TSPAN5: variants seen among roughly 807,000 people sequenced by gnomAD.
The protein encoded by TSPAN5 is tetraspanin 5, also known as tetraspanin-5.
Under a neutral mutation model 37.1 loss-of-function variants are expected in TSPAN5, and 10 were observed. That is an observed-to-expected ratio of 0.27 (90% confidence interval 0.17 to 0.46). The LOEUF (loss-of-function observed/expected upper bound fraction) is 0.46, where lower values mean the gene tolerates loss of function less well. Among genes scored for constraint, TSPAN5 ranks in the 20% least tolerant of loss-of-function variants. TSPAN5 has a pLI of 1.00. For synonymous variants in TSPAN5, 110 were observed against 118.9 expected (o/e 0.93, Z 0.48); for missense variants, 195 against 326.6 (o/e 0.60, Z 3.11).
Position 98,472,337 on chromosome 4 carries a change from T to A in TSPAN5, c.*185A>T. The A allele has an allele frequency of 4.1e-6, 2 of 483,460 alleles. No homozygotes were observed. The highest frequency in any genetic ancestry group is 7.3e-6 in the Non-Finnish European group (2 of 275,584). The allele number at this position is 483,460 out of a possible 1,614,324, so 29.9% of individuals were successfully genotyped here. The stretch of plus-strand genomic sequence containing the variant: ...GCAACGACTTTCATACTGGTTATTT[T>A]TTTTTTTAATTCTGTCAGTGAGCAG... On this transcript the variant is annotated 3_prime_UTR_variant, in exon 8 of 8. Transcript: ENST00000305798.
intron 1 of TSPAN5, among the ~76,000 whole-genome samples, chr4:98,591,060 C>CTT (rs904871060): frequency 1.0e-4 from 15 of 148,214 alleles, no homozygotes; most frequent in Admixed American, 3.3e-4. Context: ...CATGCTTTTC[C>CTT]TTTTTTTTGT....
intron 7 of TSPAN5, among the ~76,000 whole-genome samples, chr4:98,473,659 C>T (rs1444721682): frequency 1.3e-5 from 2 of 152,144 alleles, no homozygotes; most frequent in Non-Finnish European, 2.9e-5. Flanking sequence ...CGGGGTTTCA[C>T]CTTGTTAGCC....
In TSPAN5 at chr4:98,598,127, T is replaced by A. The variant is rs1755791275; in HGVS notation, c.81+60019A>T. Among the ~76,000 whole-genome samples the A allele has an allele frequency of 1.7e-5, 2 of 120,482 alleles. 1 individual carries two copies. The highest frequency in any genetic ancestry group is 3.3e-5 in the Non-Finnish European group (2 of 60,854). 79.0% of individuals were successfully genotyped at this position (120,482 alleles called of 152,430 possible). A position where few individuals can be genotyped will look rare whatever the true frequency, so the allele number is the denominator to read the frequency against. On this transcript the variant is annotated intron_variant, in intron 1 of 7. Transcript: ENST00000305798. ...AGGACCCTCTGAGCCAGGTGTGGGA[T>A]ATAGTCTCGTGGTGCGCCATTTCTT...
chr4:98,567,587 A>C (rs1418189001), intron 1 of TSPAN5, among the ~76,000 whole-genome samples: 2 of 152,226 alleles, frequency 1.3e-5, no homozygotes, highest in African/African-American at 4.8e-5. Context: ...GCCTTGTTCA[A>C]AGCAACACAG....
intron 1 of TSPAN5, among the ~76,000 whole-genome samples, chr4:98,577,077 A>C (rs1174651129): frequency 6.6e-6 from 1 of 152,126 alleles, no homozygotes; most frequent in African/African-American, 2.4e-5. Flanking sequence ...ACTGCATTTT[A>C]TTAAGTCTCC....
chr4:98,536,777 G>A (rs928160652), intron 1 of TSPAN5, among the ~76,000 whole-genome samples: 3 of 152,228 alleles, frequency 2.0e-5, no homozygotes, highest in Non-Finnish European at 2.9e-5. Context: ...ACTTCCCAGT[G>A]CCTTTGTTTA....
chr4:98,612,935 C>T (rs562734359), intron 1 of TSPAN5, among the ~76,000 whole-genome samples: 13 of 152,318 alleles, frequency 8.5e-5, no homozygotes, highest in African/African-American at 3.1e-4. Context: ...TCTCTTACCC[C>T]GTGTTTTATT....
chr4:98,616,497 A>G (rs570017382), intron 1 of TSPAN5, among the ~76,000 whole-genome samples: 40 of 152,318 alleles, frequency 2.6e-4, no homozygotes, highest in African/African-American at 8.2e-4. Flanking sequence ...GTTTAAAAAC[A>G]AAACAAAACA....
At chr4:98,633,395 A>T in intron 1 of TSPAN5, among the ~76,000 whole-genome samples, 1 of 152,306 alleles carries the variant, frequency 6.6e-6, no homozygotes, top group Non-Finnish European at 1.5e-5. Flanking sequence ...GTTTGCAGCG[A>T]CCTGTTCAGT....
intron 1 of TSPAN5, among the ~76,000 whole-genome samples, chr4:98,511,138 T>C (rs1753596630): frequency 6.6e-6 from 1 of 152,234 alleles, no homozygotes; most frequent in Non-Finnish European, 1.5e-5. Context: ...AGGCATCTTA[T>C]CTGAGGCATC....
chr4:98,548,025 AAAG>A (rs199861812), intron 1 of TSPAN5, among the ~76,000 whole-genome samples: 57,035 of 120,470 alleles, frequency 0.47, 14,444 homozygotes, highest in Non-Finnish European at 0.55. Flanking sequence ...AAAAAAAAAA[AAAG>A]AAAAAGAAAA....
At chr4:98,628,463 T>C (rs533490796) in intron 1 of TSPAN5, among the ~76,000 whole-genome samples, 90 of 152,282 alleles carry the variant, frequency 5.9e-4, no homozygotes, top group Admixed American at 4.2e-3. Context: ...CACTGCCTGG[T>C]ATTGGTTTAA....
chr4:98,631,802 G>A (rs1409394603), intron 1 of TSPAN5, among the ~76,000 whole-genome samples: 1 of 152,180 alleles, frequency 6.6e-6, no homozygotes, highest in African/African-American at 2.4e-5. Flanking sequence ...TGAGGCAGAC[G>A]AGCATCTGCT....
chr4:98,588,320 A>G (rs1755544565), intron 1 of TSPAN5, among the ~76,000 whole-genome samples: 2 of 152,110 alleles, frequency 1.3e-5, no homozygotes, highest in Non-Finnish European at 2.9e-5. Flanking sequence ...ACCGCAGAAG[A>G]TCACAGAAAT....
At chr4:98,645,480 A>C (rs1328964924) in intron 1 of TSPAN5, among the ~76,000 whole-genome samples, 2 of 152,160 alleles carry the variant, frequency 1.3e-5, no homozygotes, top group Non-Finnish European at 2.9e-5. Context: ...AAGGTACTGG[A>C]TCTTTGTCCC....
At chr4:98,557,651 T>C (rs1247939365) in intron 1 of TSPAN5, among the ~76,000 whole-genome samples, 1 of 152,220 alleles carries the variant, frequency 6.6e-6, no homozygotes, top group Non-Finnish European at 1.5e-5. Flanking sequence ...CTGTACGTAG[T>C]GGCCTCCTTC....
At chr4:98,473,645 G>C (rs2110250933) in intron 7 of TSPAN5, among the ~76,000 whole-genome samples, 1 of 152,172 alleles carries the variant, frequency 6.6e-6, no homozygotes, top group African/African-American at 2.4e-5. Flanking sequence ...ATTTTTAGTA[G>C]AGACGGGGTT....
At chr4:98,520,507 C>T (rs911247854) in intron 1 of TSPAN5, among the ~76,000 whole-genome samples, 4 of 152,124 alleles carry the variant, frequency 2.6e-5, no homozygotes, top group Non-Finnish European at 5.9e-5. Flanking sequence ...ACGTAGGAGA[C>T]AAAAGGGAGG....
intron 1 of TSPAN5, among the ~76,000 whole-genome samples, chr4:98,565,453 G>A (rs1354134975): frequency 6.6e-6 from 1 of 151,918 alleles, no homozygotes; most frequent in Non-Finnish European, 1.5e-5. Context: ...GAACTGAGGA[G>A]AAAATATACA....
Sources: allele counts gnomAD v4.1 joint callset (sites outside exome capture counted in the v4.1 genomes callset), GRCh38; gene constraint gnomAD v4.1.1; transcripts MANE v1.5; gene names NCBI Gene and HGNC (gene_info 2026-07-23, HGNC 2026-07-21).